Variants in SYNRG observed in about 807,000 individuals in gnomAD.
SYNRG encodes the protein synergin gamma.
SYNRG carries 37 observed loss-of-function variants against 130.9 expected under a neutral mutation model. The observed-to-expected ratio is 0.28, with a 90% CI of 0.22 to 0.37. The LOEUF (loss-of-function observed/expected upper bound fraction) is 0.37. Ranked by LOEUF, SYNRG falls within the 10% of genes least tolerant of loss-of-function variation. The probability of loss-of-function intolerance (pLI) is 1.00; values close to 1 mark genes in which losing one functional copy is unlikely to be tolerated. For synonymous variants in SYNRG, 539 were observed against 568.1 expected, an observed-to-expected ratio of 0.95 and a Z score of 0.73; for missense variants, 1,338 against 1,588.9, an observed-to-expected ratio of 0.84 and a Z score of 2.68.
intron 3 of SYNRG, among the ~76,000 whole-genome samples, chr17:37,591,295 T>C (rs773884051): frequency 1.3e-5 from 2 of 152,248 alleles, no homozygotes; most frequent in Non-Finnish European, 2.9e-5. Flanking sequence ...CTGAAAACTA[T>C]GTAAATGATA....
intron 13 of SYNRG, among the ~76,000 whole-genome samples, chr17:37,556,919 T>C (rs530906186): frequency 3.9e-5 from 6 of 152,318 alleles, no homozygotes; most frequent in Admixed American, 2.6e-4. Context: ...GTTTGTTTGT[T>C]TGTTTTAATC....
intron 5 of SYNRG, among the ~76,000 whole-genome samples, chr17:37,585,080 C>T (rs2061593459): frequency 6.6e-6 from 1 of 152,174 alleles, no homozygotes; most frequent in Non-Finnish European, 1.5e-5. Flanking sequence ...AGATTATAAA[C>T]ATTGCCATGA....
At chr17:37,595,839 C>T (rs185763945) in intron 3 of SYNRG, among the ~76,000 whole-genome samples, 1 of 151,390 alleles carries the variant, frequency 6.6e-6, no homozygotes. Flanking sequence ...ACTGCAACCT[C>T]CACCTCTCGG....
chr17:37,600,616 G>GA, intron 1 of SYNRG: 1 of 680,896 alleles, frequency 1.5e-6, no homozygotes, highest in Non-Finnish European at 2.7e-6. Context: ...ACAAAAGACA[G>GA]AAGACCCTGA....
chr17:37,576,228 TGACAAC>T (rs2060825403), intron 8 of SYNRG, 107 bp downstream of exon 8: 1 of 993,564 alleles, frequency 1.0e-6, no homozygotes, highest in African/African-American at 1.6e-5. Flanking sequence ...AAAAGAAAAG[TGACAAC>T]TCCTCCTGCA....
rs576298714 is a variant in SYNRG, at chr17:37,546,523, T to C, written c.2609-3958A>G. On this transcript the variant is annotated intron_variant, in intron 14 of 21. Coordinates refer to ENST00000612223, the MANE Select transcript of SYNRG (RefSeq NM_007247.6). ...CAAATCAAAACACATATTTCTTGCT[T>C]ATGCTGGCAAGTAACCCTATCAGTC... 7.2e-5 allele frequency among the ~76,000 whole-genome samples: 11 copies of C among 152,354 alleles called. No individual in the cohort carries two copies. The South Asian group carries it at 2.3e-3, about 32-fold the overall frequency.
rs201434250 is a variant in SYNRG at position 37,554,746 on chromosome 17, G to GA, written c.1664-688dup. Among the ~76,000 whole-genome samples, 13 of 152,098 alleles carry GA rather than the reference G, an allele frequency of 8.5e-5. No homozygotes were observed. In the East Asian group the frequency reaches 9.7e-4, roughly 11 times the overall value. The stretch of plus-strand genomic sequence containing the variant: ...AGTCTCTAATAAGCTGAATCTCACA[G>GA]AAAAAAAGTCCTTGAGCACTTGAGC... On this transcript the variant is annotated intron_variant, in intron 13 of 21. Transcript: ENST00000612223.
intron 1 of SYNRG, among the ~76,000 whole-genome samples, chr17:37,603,867 A>C (rs2063507232): frequency 6.6e-6 from 1 of 152,196 alleles, no homozygotes; most frequent in Non-Finnish European, 1.5e-5. Flanking sequence ...GGCCCTAACA[A>C]GACAGTCAGC....
chr17:37,568,797 C>G lies in SYNRG; in HGVS notation c.1475G>C (p.Gly492Ala), dbSNP rs774238069. 3 of 1,613,606 alleles carry G rather than the reference C, an allele frequency of 1.9e-6. No individual in the cohort carries two copies. Among genetic ancestry groups the G allele is most frequent in the Non-Finnish European group, 2.5e-6 (3 of 1,179,852 alleles). ...ATATTAAACTCTTTTCTACCTGTTT[C>G]CATGCTGGGAGTTACTTGTTTTTGA... ...ASSKTSNSQH[G>A]NSAPSLLMPL... Residue 492 changes from glycine to alanine, a missense_variant, in exon 11 of 22, where the codon GGA becomes GCA. By Grantham distance (60) the Gly-to-Ala change is moderately conservative. Coordinates refer to ENST00000612223, the MANE Select transcript of SYNRG (RefSeq NM_007247.6).
At chr17:37,591,140 T>C (rs1201366526) in intron 3 of SYNRG, among the ~76,000 whole-genome samples, 1 of 152,078 alleles carries the variant, frequency 6.6e-6, no homozygotes, top group Non-Finnish European at 1.5e-5. Context: ...TTGAAGGATA[T>C]AAAACAAACA....
At chr17:37,537,964 G>A (rs2057369346) in intron 18 of SYNRG, among the ~76,000 whole-genome samples, 1 of 152,254 alleles carries the variant, frequency 6.6e-6, no homozygotes. Flanking sequence ...TAAGGACTCT[G>A]TGGTGTCATT....
At chr17:37,581,914 GCCA>G (rs1336301109) in intron 6 of SYNRG, among the ~76,000 whole-genome samples, 1 of 151,792 alleles carries the variant, frequency 6.6e-6, no homozygotes, top group Non-Finnish European at 1.5e-5. Context: ...ACAGGCATGC[GCCA>G]CCACACCTGG....
chr17:37,550,706 A>G (rs1198780695), intron 14 of SYNRG, among the ~76,000 whole-genome samples: 1 of 152,332 alleles, frequency 6.6e-6, no homozygotes, highest in East Asian at 1.9e-4. Context: ...CCAAAAAAAA[A>G]AAAAGGTGCT....
chr17:37,557,005 G>T (rs1182248835), intron 13 of SYNRG: 1 of 152,146 alleles, frequency 6.6e-6, no homozygotes, highest in Non-Finnish European at 1.5e-5. Context: ...AGGGCTAAAA[G>T]GAAATAAAAG....
chr17:37,557,043 G>A (rs1297860147), intron 13 of SYNRG: 5 of 152,124 alleles, frequency 3.3e-5, no homozygotes, highest in South Asian at 2.1e-4. Context: ...GGAATTTGTT[G>A]GCAAATAAAT....
chr17:37,592,910 GCAAAGGATTTC>G (rs1419543177), intron 3 of SYNRG, among the ~76,000 whole-genome samples: 2 of 152,130 alleles, frequency 1.3e-5, no homozygotes, highest in African/African-American at 2.4e-5. Context: ...GGGGAACTGG[GCAAAGGATTTC>G]TATTATTTCT....
intron 8 of SYNRG, among the ~76,000 whole-genome samples, chr17:37,575,654 A>C (rs1313862125): frequency 6.6e-6 from 1 of 151,968 alleles, no homozygotes; most frequent in Non-Finnish European, 1.5e-5. Flanking sequence ...CAGCCTGAGC[A>C]ACATGACGAG....
At chr17:37,594,740 G>A (rs1343476060) in intron 3 of SYNRG, among the ~76,000 whole-genome samples, 1 of 152,144 alleles carries the variant, frequency 6.6e-6, no homozygotes, top group African/African-American at 2.4e-5. Context: ...GATTACAGGT[G>A]TGAGCCACTG....
chr17:37,539,378 TTTTTG>T, intron 16 of SYNRG, 133 bp from the exon 17 acceptor site: 4 of 883,632 alleles, frequency 4.5e-6, no homozygotes, highest in Non-Finnish European at 6.8e-6. Flanking sequence ...GTTTATGTTT[TTTTTG>T]TTTTTGTTTT....
Sources: gnomAD v4.1 joint callset for allele counts (sites outside exome capture counted in the v4.1 genomes callset) on GRCh38, gnomAD v4.1.1 for gene constraint, MANE v1.5 for transcripts, NCBI Gene and HGNC (gene_info 2026-07-23, HGNC 2026-07-21) for gene names.